The following FBXO4 variants were observed in gnomAD, a reference collection of about 807,000 sequenced individuals.
FBXO4 encodes the protein F-box only protein 4.
FBXO4 carries 36 observed loss-of-function variants against 43.7 expected under a neutral mutation model. The observed-to-expected ratio is 0.82, with a 90% CI of 0.63 to 1.09. The LOEUF is 1.09. Ranked by LOEUF, FBXO4 falls within the 50% of genes least tolerant of loss-of-function variation. FBXO4 has a pLI of 0.00. For synonymous variants in FBXO4, 180 were observed against 165.6 expected, an observed-to-expected ratio of 1.09 and a Z score of -0.67; for missense variants, 435 against 474.1, an observed-to-expected ratio of 0.92 and a Z score of 0.77.
At chr5:41,927,957 CAAATTTAACGCATTATTTTAA>C (rs1319494277) in intron 2 of FBXO4, among the ~76,000 whole-genome samples, 1 of 152,064 alleles carries the variant, frequency 6.6e-6, no homozygotes, top group East Asian at 1.9e-4. Flanking sequence ...CTGAGAAACT[CAAATTTAACGCATTATTTTAA>C]AAATTTCAAA....
chr5:41,933,984 C>T lies in FBXO4; in HGVS notation c.685C>T (p.His229Tyr), dbSNP rs772402597. 6.2e-7 allele frequency: 1 copy of T among 1,613,794 alleles called. No individual in the cohort carries two copies. Among genetic ancestry groups the T allele is most frequent in the Non-Finnish European group, 8.5e-7 (1 of 1,179,896 alleles). ...SGVNFQLNNQ[H>Y]KFNILILYST... The stretch of plus-strand genomic sequence containing the variant: ...AGTCAATTTTCAGTTGAACAACCAA[C>T]ATAAATTCAACATTCTAATCTTATA... The change falls in exon 4 of 7, where the codon CAT becomes TAT. Residue 229 changes from histidine (H) to tyrosine (Y), a missense_variant. His to Tyr is a moderately conservative substitution (Grantham distance 83). Coordinates refer to ENST00000281623, the MANE Select transcript of FBXO4 (RefSeq NM_012176.3).
the FBXO4 span, among the ~76,000 whole-genome samples, chr5:41,961,624 A>G: frequency 6.6e-6 from 1 of 152,192 alleles, no homozygotes; most frequent in African/African-American, 2.4e-5. Context: ...CAAGGTAGAG[A>G]CAAGATCCCT....
the FBXO4 span, among the ~76,000 whole-genome samples, chr5:42,002,374 A>G: frequency 6.6e-6 from 1 of 152,208 alleles, no homozygotes; most frequent in Non-Finnish European, 1.5e-5. Context: ...TCCTAACCTA[A>G]CCTTGCTATA....
chr5:42,014,959 A>G, the FBXO4 span, among the ~76,000 whole-genome samples: 1 of 152,260 alleles, frequency 6.6e-6, no homozygotes, highest in Middle Eastern at 3.4e-3. Flanking sequence ...ATATTATTAG[A>G]ATATAATCTA....
At chr5:41,982,693 AATTT>A in the FBXO4 span, among the ~76,000 whole-genome samples, 1 of 152,074 alleles carries the variant, frequency 6.6e-6, no homozygotes, top group Non-Finnish European at 1.5e-5. Context: ...GATATAGTCG[AATTT>A]ATTGATTTTG....
the FBXO4 span, chr5:41,951,789 C>A: frequency 4.9e-6 from 1 of 204,784 alleles, no homozygotes; most frequent in South Asian, 8.7e-5. Flanking sequence ...TAACATGCCT[C>A]TATGAGAGGC....
At chr5:41,971,220 G>T in the FBXO4 span, among the ~76,000 whole-genome samples, 1 of 149,862 alleles carries the variant, frequency 6.7e-6, no homozygotes, top group Non-Finnish European at 1.5e-5. Context: ...GTGTGTGTGT[G>T]TGTGTGTGTG....
the FBXO4 span, among the ~76,000 whole-genome samples, chr5:42,002,921 A>G: frequency 6.6e-6 from 1 of 152,194 alleles, no homozygotes; most frequent in Non-Finnish European, 1.5e-5. Flanking sequence ...CCTTTTGTTT[A>G]TATTTTGCAT....
chr5:41,929,400 T>C (rs1379916079), intron 2 of FBXO4, among the ~76,000 whole-genome samples: 1 of 152,202 alleles, frequency 6.6e-6, no homozygotes, highest in African/African-American at 2.4e-5. Context: ...AATTTCACCA[T>C]TCAAATGTTC....
the FBXO4 span, among the ~76,000 whole-genome samples, chr5:42,001,763 C>G: frequency 6.6e-6 from 1 of 152,220 alleles, no homozygotes; most frequent in Non-Finnish European, 1.5e-5. Flanking sequence ...ATGAGATCAA[C>G]TCACTACAAA....
At chr5:42,033,507 A>G in the FBXO4 span, among the ~76,000 whole-genome samples, 1 of 151,782 alleles carries the variant, frequency 6.6e-6, no homozygotes, top group Non-Finnish European at 1.5e-5. Flanking sequence ...TAAGCCCCGT[A>G]TGCATTAGCT....
chr5:41,984,144 A>C, the FBXO4 span, among the ~76,000 whole-genome samples: 159 of 152,308 alleles, frequency 1.0e-3, no homozygotes, highest in African/African-American at 3.6e-3. Context: ...CATTTTAATT[A>C]GCAAATTTTA....
At chr5:41,989,576 A>G in the FBXO4 span, among the ~76,000 whole-genome samples, 9 of 152,190 alleles carry the variant, frequency 5.9e-5, no homozygotes, top group Admixed American at 5.9e-4. Context: ...TGCAGATCCA[A>G]TTAAACAGTT....
chr5:41,953,234 A>G, the FBXO4 span, among the ~76,000 whole-genome samples: 1 of 150,048 alleles, frequency 6.7e-6, no homozygotes, highest in Admixed American at 6.7e-5. Flanking sequence ...TCTATGAGTG[A>G]GAACATGTGG....
the FBXO4 span, among the ~76,000 whole-genome samples, chr5:41,947,675 A>G: frequency 1.3e-5 from 2 of 152,196 alleles, no homozygotes; most frequent in Non-Finnish European, 2.9e-5. Context: ...GAGAACATGG[A>G]TAGTAACTAA....
At chr5:42,023,453 CT>C in the FBXO4 span, among the ~76,000 whole-genome samples, 1 of 152,026 alleles carries the variant, frequency 6.6e-6, no homozygotes, top group African/African-American at 2.4e-5. Flanking sequence ...ATCCTAGTAG[CT>C]TTGTTCCTCT....
At chr5:41,932,869 G>A (rs1751733214) in intron 3 of FBXO4, among the ~76,000 whole-genome samples, 1 of 152,184 alleles carries the variant, frequency 6.6e-6, no homozygotes, top group Non-Finnish European at 1.5e-5. Flanking sequence ...GAGGCAAAAG[G>A]AGAACCAGCC....
the FBXO4 span, among the ~76,000 whole-genome samples, chr5:42,030,650 T>C: frequency 7.9e-5 from 12 of 151,570 alleles, no homozygotes; most frequent in African/African-American, 2.9e-4. Flanking sequence ...CAAAAGAAAC[T>C]ACCATCAGAG....
chr5:41,949,369 G>C, the FBXO4 span, among the ~76,000 whole-genome samples: 1 of 152,204 alleles, frequency 6.6e-6, no homozygotes, highest in African/African-American at 2.4e-5. Flanking sequence ...CTTCAGCAAA[G>C]TCTCAGGATA....
Sources: gnomAD v4.1 joint callset for allele counts (sites outside exome capture counted in the v4.1 genomes callset) on GRCh38, gnomAD v4.1.1 for gene constraint, MANE v1.5 for transcripts, NCBI Gene and HGNC (gene_info 2026-07-23, HGNC 2026-07-21) for gene names.